GPD2: variants seen among roughly 807,000 people sequenced by gnomAD.
GPD2 encodes the protein glycerol-3-phosphate dehydrogenase 2.
GPD2 carries 54 observed loss-of-function variants against 82.4 expected under a neutral mutation model. The observed-to-expected ratio is 0.66, with a 90% confidence interval of 0.53 to 0.82. The LOEUF is 0.82. Among genes scored for constraint, GPD2 ranks in the 40% least tolerant of loss-of-function variants. GPD2 has a pLI of 0.00. For missense variants in GPD2, 748 were observed against 896.2 expected (o/e 0.83, Z 2.11); for synonymous variants, 288 against 306.1 (o/e 0.94, Z 0.62).
intron 2 of GPD2, among the ~76,000 whole-genome samples, chr2:156,487,938 T>C (rs1249900641): frequency 6.6e-6 from 1 of 152,260 alleles, no homozygotes; most frequent in African/African-American, 2.4e-5. Context: ...AAAAGTTTGA[T>C]AATTTAAGTG....
chr2:156,501,200 C>T (rs886338325), intron 3 of GPD2, among the ~76,000 whole-genome samples: 2 of 151,818 alleles, frequency 1.3e-5, no homozygotes, highest in Non-Finnish European at 2.9e-5. Flanking sequence ...TAAAATTTAA[C>T]CTTTATGTCT....
At chr2:156,432,042 A>C (rs1688321859), upstream of GPD2, among the ~76,000 whole-genome samples, 1 of 151,964 alleles carries the variant, frequency 6.6e-6, no homozygotes, top group Admixed American at 6.6e-5. Flanking sequence ...GTGTGCCACC[A>C]GACCTGGCTA....
At chr2:156,529,212 G>GT (rs71402360) in intron 6 of GPD2, among the ~76,000 whole-genome samples, 98,695 of 148,320 alleles carry the variant, frequency 0.67, 33,033 homozygotes, top group Middle Eastern at 0.81. Context: ...TTTTTCATAT[G>GT]TTTTTTGGCT....
chr2:156,509,838 A>G (rs1684928675), intron 3 of GPD2, among the ~76,000 whole-genome samples: 1 of 136,510 alleles, frequency 7.3e-6, no homozygotes, highest in Non-Finnish European at 1.5e-5. Context: ...CAGTGGCATG[A>G]TCTTGGCTCA....
chr2:156,406,487 A>G, the GPD2 span, among the ~76,000 whole-genome samples: 2 of 151,718 alleles, frequency 1.3e-5, no homozygotes, highest in African/African-American at 2.4e-5. Context: ...TTATCAGCTC[A>G]CTCCCTGGGC....
In GPD2 at chr2:156,550,696, T is replaced by C; in HGVS notation, c.921T>C (p.Ala307=). 1 of 1,613,854 alleles carries C rather than the reference T, an allele frequency of 6.2e-7. No homozygotes were observed. The highest frequency in any genetic ancestry group is 8.5e-7 in the Non-Finnish European group (1 of 1,179,746). The change falls in exon 8 of 17, where the codon GCT becomes GCC. Residue 307 remains alanine, a synonymous_variant. Transcript: ENST00000438166. ...AAATGGATGATAAAGACGCAGCAGC[T>C]ATCTGCCAGCCAAGTGCTGGTGTCC... ...VRKMDDKDAA[A]ICQPSAGVHI...
At chr2:156,487,894 A>G (rs1684005578) in intron 2 of GPD2, among the ~76,000 whole-genome samples, 1 of 152,248 alleles carries the variant, frequency 6.6e-6, no homozygotes, top group South Asian at 2.1e-4. Flanking sequence ...ATATTCAGAC[A>G]GAGCCAAGGG....
chr2:156,534,387 G>A (rs1429568029), intron 6 of GPD2, among the ~76,000 whole-genome samples: 1 of 152,194 alleles, frequency 6.6e-6, no homozygotes, highest in Non-Finnish European at 1.5e-5. Flanking sequence ...AAATGTTTGG[G>A]TGCAAAAACA....
intron 9 of GPD2, among the ~76,000 whole-genome samples, chr2:156,567,707 C>T (rs1687441848): frequency 6.6e-6 from 1 of 152,128 alleles, no homozygotes. Context: ...ATTCCTGAAG[C>T]TGGTCTACAT....
the GPD2 span, among the ~76,000 whole-genome samples, chr2:156,402,040 AG>A: frequency 2.0e-5 from 3 of 152,244 alleles, no homozygotes; most frequent in African/African-American, 7.2e-5. Context: ...GCTAACACAT[AG>A]TAACTGTGTA....
At chr2:156,535,944 A>C (rs1300157192) in intron 6 of GPD2, among the ~76,000 whole-genome samples, 1 of 152,218 alleles carries the variant, frequency 6.6e-6, no homozygotes, top group African/African-American at 2.4e-5. Context: ...GTCAATTGCA[A>C]CCTGGTCTCA....
intron 3 of GPD2, among the ~76,000 whole-genome samples, chr2:156,505,716 G>A (rs1684762898): frequency 6.6e-6 from 1 of 152,044 alleles, no homozygotes; most frequent in Admixed American, 6.6e-5. Flanking sequence ...TGAATCCTGG[G>A]TGCATTATTT....
chr2:156,519,426 TA>T (rs1219479757), intron 6 of GPD2, among the ~76,000 whole-genome samples: 1 of 152,036 alleles, frequency 6.6e-6, no homozygotes, highest in Non-Finnish European at 1.5e-5. Context: ...TAAGAGGAGG[TA>T]TTGGCATGAT....
intron 1 of GPD2, among the ~76,000 whole-genome samples, chr2:156,451,251 C>T (rs1254197738): frequency 6.6e-6 from 1 of 151,534 alleles, no homozygotes; most frequent in Non-Finnish European, 1.5e-5. Flanking sequence ...CGGGCAGAGG[C>T]GCCCCTCACC....
chr2:156,536,912 G>T (rs1238370179), intron 6 of GPD2, among the ~76,000 whole-genome samples: 2 of 152,220 alleles, frequency 1.3e-5, no homozygotes, highest in East Asian at 1.9e-4. Flanking sequence ...AGAGGAGGGG[G>T]TCTATGGAGG....
intron 6 of GPD2, among the ~76,000 whole-genome samples, chr2:156,543,429 C>G (rs1440517850): frequency 6.6e-6 from 1 of 152,152 alleles, no homozygotes; most frequent in Non-Finnish European, 1.5e-5. Context: ...AATTGATGTC[C>G]CATAAGTCTG....
chr2:156,526,756 A>G (rs1184193714), intron 6 of GPD2, among the ~76,000 whole-genome samples: 1 of 152,136 alleles, frequency 6.6e-6, no homozygotes, highest in East Asian at 1.9e-4. Context: ...ATTCTCCTTC[A>G]GAAAAACAAA....
chr2:156,440,955 A>G (rs1682146503), intron 1 of GPD2, among the ~76,000 whole-genome samples: 1 of 152,218 alleles, frequency 6.6e-6, no homozygotes, highest in South Asian at 2.1e-4. Context: ...AGCTGGTGCC[A>G]GAGGAACCAA....
chr2:156,571,305 A>G lies in GPD2; in HGVS notation c.1767+13A>G. On this transcript the variant is annotated intron_variant, in intron 13 of 16. Coordinates refer to ENST00000438166, the MANE Select transcript of GPD2 (RefSeq NM_000408.5). ...TTATAAGAAGCAGGTATTATATAGA[A>G]GTCTTTAAAACCACAATTCCTATTG... 1.9e-6 allele frequency: 3 copies of G among 1,550,946 alleles called. No homozygotes were observed. The highest frequency in any genetic ancestry group is 2.6e-6 in the Non-Finnish European group (3 of 1,139,382).
Sources: gnomAD v4.1 joint callset for allele counts (sites outside exome capture counted in the v4.1 genomes callset) on GRCh38, gnomAD v4.1.1 for gene constraint, MANE v1.5 for transcripts, NCBI Gene and HGNC (gene_info 2026-07-23, HGNC 2026-07-21) for gene names.